The following RFX3 variants were observed in gnomAD, a reference collection of about 807,000 sequenced individuals.
RFX3 encodes the protein transcription factor RFX3.
RFX3 carries 14 observed loss-of-function variants against 98.6 expected under a neutral mutation model. The observed-to-expected ratio is 0.14, with a 90% CI of 0.09 to 0.22. RFX3 has a LOEUF of 0.22. Among genes scored for constraint, RFX3 ranks in the 10% least tolerant of loss-of-function variants. The pLI, the probability that RFX3 is intolerant of heterozygous loss-of-function variation, is 1.00. For missense variants in RFX3, 639 were observed against 926.9 expected (o/e 0.69, Z 4.03); for synonymous variants, 383 against 328.4 (o/e 1.17, Z -1.80).
At chr9:3,405,894 T>C (rs187543025) in intron 1 of RFX3, among the ~76,000 whole-genome samples, 5 of 152,298 alleles carry the variant, frequency 3.3e-5, no homozygotes, top group East Asian at 3.9e-4. Flanking sequence ...CAAGTTTATA[T>C]ACAATCCAGC....
intron 2 of RFX3, among the ~76,000 whole-genome samples, chr9:3,384,102 G>C (rs1405957079): frequency 1.3e-5 from 2 of 152,130 alleles, no homozygotes; most frequent in African/African-American, 2.4e-5. Flanking sequence ...TAAATCCCTA[G>C]AGGTTCCACA....
chr9:3,470,578 C>A (rs112608350), intron 1 of RFX3, among the ~76,000 whole-genome samples: 85 of 152,134 alleles, frequency 5.6e-4, no homozygotes, highest in African/African-American at 2.0e-3. Context: ...CCGCCCGCCT[C>A]GGCCTCCCAG....
rs112277056 is a variant in RFX3, at chr9:3,227,250, C to T, written c.2011+1597G>A. Reference sequence around the variant, plus strand: ...AGTGGAGACAAAGTGAGGAAAGTTCCTCTGTCTATTTTGTTGTGGATGGAA... The same window carrying T: ...AGTGGAGACAAAGTGAGGAAAGTTCTTCTGTCTATTTTGTTGTGGATGGAA... On this transcript the variant is annotated intron_variant, in intron 16 of 16. Transcript: ENST00000617270. 7.6e-3 allele frequency among the ~76,000 whole-genome samples: 1,153 copies of T among 152,250 alleles called. 4 individuals carry two copies. The highest frequency in any genetic ancestry group is 1.0e-2 in the Non-Finnish European group (677 of 68,016).
chr9:3,400,459 A>G (rs1317089844), intron 1 of RFX3, among the ~76,000 whole-genome samples: 1 of 152,196 alleles, frequency 6.6e-6, no homozygotes, highest in African/African-American at 2.4e-5. Flanking sequence ...TCAAGTATCA[A>G]CCAAGTCCTA....
At chr9:3,413,931 T>G (rs1842671013) in intron 1 of RFX3, among the ~76,000 whole-genome samples, 1 of 152,068 alleles carries the variant, frequency 6.6e-6, no homozygotes, top group South Asian at 2.1e-4. Flanking sequence ...ACTTAGAAAT[T>G]CTCCCAATAA....
At chr9:3,371,586 T>G (rs1186643418) in intron 2 of RFX3, among the ~76,000 whole-genome samples, 1 of 152,168 alleles carries the variant, frequency 6.6e-6, no homozygotes, top group Non-Finnish European at 1.5e-5. Context: ...TAAGACTTCT[T>G]TTCATTAATT....
intron 15 of RFX3, among the ~76,000 whole-genome samples, chr9:3,234,806 C>T (rs1818919548): frequency 1.3e-5 from 2 of 152,158 alleles, no homozygotes; most frequent in Admixed American, 1.3e-4. Flanking sequence ...TGCTCCAGCT[C>T]ATTAACAGTG....
At chr9:3,299,399 T>C (rs1259145317) in intron 5 of RFX3, among the ~76,000 whole-genome samples, 1 of 151,752 alleles carries the variant, frequency 6.6e-6, no homozygotes, top group Non-Finnish European at 1.5e-5. Flanking sequence ...GATCAGTCAG[T>C]AGAAGCACTG....
At chr9:3,459,426 T>C (rs577015730) in intron 1 of RFX3, among the ~76,000 whole-genome samples, 2 of 152,170 alleles carry the variant, frequency 1.3e-5, no homozygotes, top group African/African-American at 4.8e-5. Flanking sequence ...CAGGACAAGA[T>C]CCTACTGATT....
chr9:3,299,389 G>C (rs1034616288), intron 5 of RFX3, among the ~76,000 whole-genome samples: 1 of 151,688 alleles, frequency 6.6e-6, no homozygotes, highest in Admixed American at 6.6e-5. Context: ...TAACCTCACT[G>C]ATCAGTCAGT....
chr9:3,257,920 G>A (rs1480716557), intron 13 of RFX3, among the ~76,000 whole-genome samples: 1 of 152,164 alleles, frequency 6.6e-6, no homozygotes, highest in Admixed American at 6.5e-5. Context: ...GTTGGGAAAT[G>A]TTTGGTAACA....
intron 1 of RFX3, among the ~76,000 whole-genome samples, chr9:3,417,217 A>T (rs1408578971): frequency 6.6e-6 from 1 of 152,032 alleles, no homozygotes; most frequent in Non-Finnish European, 1.5e-5. Context: ...AACCTAGTTG[A>T]TCTGAAAAAG....
chr9:3,423,875 C>T (rs1020214132), intron 1 of RFX3, among the ~76,000 whole-genome samples: 15 of 148,346 alleles, frequency 1.0e-4, no homozygotes, highest in African/African-American at 3.2e-4. Flanking sequence ...AGGCCAGGCG[C>T]GGTGGCTCAC....
chr9:3,293,458 G>A (rs989222259), intron 5 of RFX3, among the ~76,000 whole-genome samples, 200 bp from the exon 6 acceptor site: 1 of 152,124 alleles, frequency 6.6e-6, no homozygotes, highest in African/African-American at 2.4e-5. Context: ...ACATCACTAA[G>A]GATCTCAGAC....
At chr9:3,455,976 G>T (rs558658161) in intron 1 of RFX3, among the ~76,000 whole-genome samples, 1 of 152,216 alleles carries the variant, frequency 6.6e-6, no homozygotes, top group Non-Finnish European at 1.5e-5. Context: ...GACAATCCTT[G>T]GCTGGAAGTC....
At chr9:3,362,188 T>G (rs1228543211) in intron 2 of RFX3, among the ~76,000 whole-genome samples, 1 of 152,212 alleles carries the variant, frequency 6.6e-6, no homozygotes, top group Non-Finnish European at 1.5e-5. Context: ...TCTTTAACAT[T>G]AATTTACAAA....
chr9:3,297,152 T>A (rs1828092127), intron 5 of RFX3, among the ~76,000 whole-genome samples: 1 of 152,138 alleles, frequency 6.6e-6, no homozygotes, highest in South Asian at 2.1e-4. Context: ...GTTTTGTCTT[T>A]AATACAATGT....
intron 1 of RFX3, chr9:3,489,226 T>G (rs766381795): frequency 6.3e-6 from 1 of 157,984 alleles, no homozygotes; most frequent in African/African-American, 2.4e-5. Flanking sequence ...TTTCAACTCT[T>G]TGGAAAGGTA....
intron 1 of RFX3, among the ~76,000 whole-genome samples, chr9:3,506,023 A>T (rs1174216858): frequency 6.6e-6 from 1 of 151,848 alleles, no homozygotes. Flanking sequence ...TAATTTTTAA[A>T]AAGTGAAATG....
Sources: allele counts gnomAD v4.1 joint callset (sites outside exome capture counted in the v4.1 genomes callset), GRCh38; gene constraint gnomAD v4.1.1; transcripts MANE v1.5; gene names NCBI Gene and HGNC (gene_info 2026-07-23, HGNC 2026-07-21).